The following XRN1 variants were observed in gnomAD, a reference collection of about 807,000 sequenced individuals.
XRN1 encodes 5'-3' exoribonuclease 1, also known as strand-exchange protein 1 homolog.
XRN1 carries 67 observed loss-of-function variants against 222.3 expected under a neutral mutation model. That is an observed-to-expected ratio of 0.30 (90% confidence interval 0.25 to 0.37). The LOEUF (loss-of-function observed/expected upper bound fraction) is 0.37, where lower values mean the gene tolerates loss of function less well. XRN1 is among the 10% of genes least tolerant of loss of function. The pLI, the probability that XRN1 is intolerant of heterozygous loss-of-function variation, is 1.00. For synonymous variants in XRN1, 643 were observed against 652.4 expected (o/e 0.99, Z 0.22); for missense variants, 1,707 against 2,000.2 (o/e 0.85, Z 2.80).
intron 33 of XRN1, among the ~76,000 whole-genome samples, chr3:142,338,200 C>T (rs1050967336): frequency 6.6e-6 from 1 of 152,170 alleles, no homozygotes; most frequent in East Asian, 1.9e-4. Context: ...CAGCTTGAGG[C>T]TCCAAAAGAC....
intron 30 of XRN1, 91 bp downstream of exon 30, chr3:142,359,771 A>G: frequency 2.0e-6 from 2 of 996,252 alleles, no homozygotes; most frequent in Non-Finnish European, 1.5e-6. Context: ...ACATCCCACA[A>G]ACTGAAATTG....
In XRN1 at chr3:142,313,186, C is replaced by A. The variant is rs369919016; in HGVS notation, c.4622-428G>T. 3.3e-5 allele frequency: 53 copies of A among 1,611,794 alleles called. 1 individual carries two copies. The highest frequency in any genetic ancestry group is 2.5e-4 in the African/African-American group (19 of 74,728). On this transcript the variant is annotated intron_variant, in intron 39 of 40. Transcript: ENST00000392981. The stretch of plus-strand genomic sequence containing the variant: ...ATAGTGATCCCAGCCTACAAAAAAA[C>A]CAAAAAACCTCAAGTCCTGAAATCT...
At chr3:142,398,276 A>AT (rs2068002099) in intron 19 of XRN1, among the ~76,000 whole-genome samples, 1 of 151,768 alleles carries the variant, frequency 6.6e-6, no homozygotes, top group Non-Finnish European at 1.5e-5. Context: ...TTAAAAGCAT[A>AT]TTTTTTTCCT....
At chr3:142,370,645 A>C (rs762611148) in intron 26 of XRN1, 25 bp from the exon 27 acceptor site, 2 of 1,546,990 alleles carry the variant, frequency 1.3e-6, no homozygotes, top group South Asian at 2.5e-5. Context: ...ATAATTTTTA[A>C]AATTTGATTA....
chr3:142,441,993 C>G (rs987828431), intron 1 of XRN1, among the ~76,000 whole-genome samples: 1 of 152,156 alleles, frequency 6.6e-6, no homozygotes, highest in Non-Finnish European at 1.5e-5. Context: ...CTTTGAAAAG[C>G]AGGGTATGCA....
intron 13 of XRN1, among the ~76,000 whole-genome samples, chr3:142,414,934 G>C (rs999133462): frequency 3.3e-5 from 5 of 152,148 alleles, no homozygotes; most frequent in African/African-American, 1.2e-4. Context: ...GATTGAACCA[G>C]AAATAATGAG....
intron 20 of XRN1, among the ~76,000 whole-genome samples, chr3:142,388,035 T>TA (rs1326629407): frequency 6.6e-6 from 1 of 152,188 alleles, no homozygotes; most frequent in Non-Finnish European, 1.5e-5. Context: ...GAGCCAAACA[T>TA]ACCTCTTTTC....
intron 37 of XRN1, among the ~76,000 whole-genome samples, chr3:142,325,687 T>C (rs2065495987): frequency 6.6e-6 from 1 of 152,198 alleles, no homozygotes; most frequent in Admixed American, 6.5e-5. Context: ...TGATACCGTT[T>C]ATGCATTTTT....
chr3:142,334,053 T>C (rs1398774743), intron 34 of XRN1, among the ~76,000 whole-genome samples: 1 of 152,218 alleles, frequency 6.6e-6, no homozygotes, highest in South Asian at 2.1e-4. Context: ...GTGATTCTAA[T>C]TGTATATCAG....
At chr3:142,415,538 G>C (rs778620892) in intron 13 of XRN1, among the ~76,000 whole-genome samples, 28 of 152,172 alleles carry the variant, frequency 1.8e-4, no homozygotes, top group Non-Finnish European at 3.5e-4. Flanking sequence ...AAGATTATGT[G>C]AGAGCATGCT....
At chr3:142,383,607 T>C (rs1241267325) in intron 21 of XRN1, among the ~76,000 whole-genome samples, 194 bp from the exon 22 acceptor site, 1 of 152,172 alleles carries the variant, frequency 6.6e-6, no homozygotes, top group Non-Finnish European at 1.5e-5. Context: ...ATTTATTGAG[T>C]TCATTTAATC....
chr3:142,426,692 G>GTTTTCAATTTAT, intron 3 of XRN1, 52 bp downstream of exon 3: 2 of 1,538,980 alleles, frequency 1.3e-6, no homozygotes, highest in Admixed American at 1.8e-5. Flanking sequence ...TAAAAACCAA[G>GTTTTCAATTTAT]TTTTCAATTT....
At chr3:142,319,577 T>C (rs1284438540) in intron 37 of XRN1, among the ~76,000 whole-genome samples, 1 of 152,218 alleles carries the variant, frequency 6.6e-6, no homozygotes, top group Non-Finnish European at 1.5e-5. Flanking sequence ...ATGGATATAC[T>C]ACATAGTGGT....
chr3:142,396,572 G>C (rs1677230065), intron 20 of XRN1, among the ~76,000 whole-genome samples: 1 of 152,122 alleles, frequency 6.6e-6, no homozygotes. Flanking sequence ...TTTGGTGTTG[G>C]ATGGTTTTTC....
chr3:142,355,201 C>A, intron 32 of XRN1, 200 bp downstream of exon 32: 1 of 297,516 alleles, frequency 3.4e-6, no homozygotes, highest in East Asian at 5.8e-5. Flanking sequence ...ATTCATGTAA[C>A]AAACCTGTAC....
chr3:142,440,064 C>T (rs1279749304), intron 1 of XRN1, among the ~76,000 whole-genome samples: 2 of 152,262 alleles, frequency 1.3e-5, no homozygotes. Flanking sequence ...GGGGAAAGCG[C>T]CAGCCCATGC....
intron 33 of XRN1, among the ~76,000 whole-genome samples, chr3:142,345,300 G>C (rs1347876593): frequency 6.6e-6 from 1 of 152,178 alleles, no homozygotes; most frequent in African/African-American, 2.4e-5. Flanking sequence ...AATGGGGAAA[G>C]AGTAGTCTTT....
rs936802468 is a variant in XRN1 at position 142,309,226 on chromosome 3, CT to C, written c.*2284del. On this transcript the variant is annotated 3_prime_UTR_variant, in exon 41 of 41. Transcript: ENST00000392981. Reference sequence around the variant, plus strand: ...TAAAAAAAAAGTAAGGATAATAAAACTTTTTTCTTTTTTTTGAGACAGAGTC... The same window carrying C: ...TAAAAAAAAAGTAAGGATAATAAAACTTTTTCTTTTTTTTGAGACAGAGTC... 27 of 152,006 alleles carry C rather than the reference CT, an allele frequency of 1.8e-4. No individual in the cohort carries two copies. The highest frequency in any genetic ancestry group is 6.5e-4 in the African/African-American group (27 of 41,370). 9.4% of individuals were successfully genotyped at this position (152,006 alleles called of 1,614,324 possible).
intron 1 of XRN1, chr3:142,435,220 C>A: frequency 1.3e-5 from 2 of 151,544 alleles, no homozygotes; most frequent in Non-Finnish European, 2.9e-5. Context: ...ACGGTGAAAC[C>A]CCGTCTCTAC....
Sources: allele counts gnomAD v4.1 joint callset (sites outside exome capture counted in the v4.1 genomes callset), GRCh38; gene constraint gnomAD v4.1.1; transcripts MANE v1.5; gene names NCBI Gene and HGNC (gene_info 2026-07-23, HGNC 2026-07-21).